CCSER1: variants seen among roughly 807,000 people sequenced by gnomAD.
The protein encoded by CCSER1 is serine-rich coiled-coil domain-containing protein 1.
A neutral mutation model predicts 82.0 loss-of-function variants in CCSER1; 41 were observed. That is an observed-to-expected ratio of 0.50 (90% CI 0.39 to 0.65). The LOEUF is 0.65. CCSER1 is among the 30% of genes least tolerant of loss of function. The pLI, the probability that CCSER1 is intolerant of heterozygous loss-of-function variation, is 0.00. For missense variants in CCSER1, 1,119 were observed against 1,064.2 expected, an observed-to-expected ratio of 1.05 and a Z score of -0.72; for synonymous variants, 414 against 383.9, an observed-to-expected ratio of 1.08 and a Z score of -0.92.
intron 10 of CCSER1, among the ~76,000 whole-genome samples, chr4:91,192,252 T>A (rs1735063803): frequency 6.6e-6 from 1 of 152,172 alleles, no homozygotes. Flanking sequence ...TGATTCTTCC[T>A]TTGGCTATTT....
chr4:90,278,466 T>C (rs756583336), intron 1 of CCSER1, among the ~76,000 whole-genome samples: 6 of 152,124 alleles, frequency 3.9e-5, no homozygotes, highest in East Asian at 1.9e-4. Context: ...GAAAATGTGG[T>C]CCATATACAC....
intron 5 of CCSER1, among the ~76,000 whole-genome samples, chr4:90,622,906 C>G (rs533136810): frequency 6.6e-6 from 1 of 152,174 alleles, no homozygotes; most frequent in African/African-American, 2.4e-5. Context: ...GTCCCTATTT[C>G]TCCACATCCT....
intron 1 of CCSER1, among the ~76,000 whole-genome samples, chr4:90,301,588 C>T (rs947709272): frequency 6.6e-6 from 1 of 151,978 alleles, no homozygotes; most frequent in African/African-American, 2.4e-5. Flanking sequence ...AAACACTTCT[C>T]TTATGTAACA....
chr4:91,353,318 G>GT (rs1748604382), intron 10 of CCSER1, among the ~76,000 whole-genome samples: 1 of 152,174 alleles, frequency 6.6e-6, no homozygotes, highest in Admixed American at 6.5e-5. Context: ...CAAGGGGTCC[G>GT]TGACGGGCTG....
intron 9 of CCSER1, among the ~76,000 whole-genome samples, chr4:90,945,619 A>G (rs1408241685): frequency 1.3e-5 from 2 of 152,140 alleles, no homozygotes; most frequent in African/African-American, 4.8e-5. Context: ...CTTTTCCACA[A>G]ACAGACTGTG....
intron 10 of CCSER1, among the ~76,000 whole-genome samples, chr4:91,384,103 A>C (rs1377840315): frequency 6.6e-6 from 1 of 152,052 alleles, no homozygotes; most frequent in Non-Finnish European, 1.5e-5. Context: ...ACTACTATAT[A>C]ATGGATGTTT....
chr4:91,368,689 C>A (rs765192945), intron 10 of CCSER1, among the ~76,000 whole-genome samples: 25 of 152,200 alleles, frequency 1.6e-4, no homozygotes, highest in South Asian at 1.0e-3. Context: ...ATAATTAACA[C>A]ATTTTAGTTT....
intron 7 of CCSER1, among the ~76,000 whole-genome samples, chr4:90,810,644 T>TCAACAACAACAA (rs34797230): frequency 7.8e-6 from 1 of 128,470 alleles, no homozygotes; most frequent in East Asian, 2.6e-4. Context: ...AGACTCCCTC[T>TCAACAACAACAA]CAACAACAAC....
chr4:90,899,326 C>A (rs959461024), intron 8 of CCSER1, among the ~76,000 whole-genome samples: 2 of 151,888 alleles, frequency 1.3e-5, no homozygotes, highest in African/African-American at 2.4e-5. Flanking sequence ...TTATTTAATT[C>A]ATTGATCAGG....
At chr4:91,296,993 A>G (rs975582073) in intron 10 of CCSER1, among the ~76,000 whole-genome samples, 5 of 151,850 alleles carry the variant, frequency 3.3e-5, no homozygotes, top group Admixed American at 1.3e-4. Flanking sequence ...AAAACAGGAC[A>G]AGATATTGCC....
At chr4:90,194,341 A>G (rs934203512) in intron 1 of CCSER1, among the ~76,000 whole-genome samples, 1 of 152,062 alleles carries the variant, frequency 6.6e-6, no homozygotes, top group Non-Finnish European at 1.5e-5. Flanking sequence ...TATAGTATCT[A>G]TCATACAAAG....
chr4:90,813,011 C>A (rs1211883172), intron 7 of CCSER1, among the ~76,000 whole-genome samples: 1 of 152,156 alleles, frequency 6.6e-6, no homozygotes, highest in Non-Finnish European at 1.5e-5. Context: ...ATCTCACATT[C>A]TTGTCACATT....
chr4:90,640,139 AT>A (rs1726220317), intron 6 of CCSER1, among the ~76,000 whole-genome samples: 1 of 152,168 alleles, frequency 6.6e-6, no homozygotes, highest in African/African-American at 2.4e-5. Context: ...TTTGAAGTTA[AT>A]TCCAAAAGCA....
At chr4:91,177,558 G>A (rs1037896729) in intron 10 of CCSER1, among the ~76,000 whole-genome samples, 1 of 152,126 alleles carries the variant, frequency 6.6e-6, no homozygotes, top group African/African-American at 2.4e-5. Context: ...GAGGGTGTAT[G>A]TGTCCAGGAA....
At chr4:90,398,190 C>G (rs1374277414) in intron 3 of CCSER1, among the ~76,000 whole-genome samples, 2 of 152,182 alleles carry the variant, frequency 1.3e-5, no homozygotes, top group South Asian at 2.1e-4. Context: ...GTGTCCTAAT[C>G]TATTCTTATA....
chr4:90,492,072 G>T (rs1426214882), intron 5 of CCSER1, among the ~76,000 whole-genome samples: 1 of 152,102 alleles, frequency 6.6e-6, no homozygotes, highest in Non-Finnish European at 1.5e-5. Flanking sequence ...CTAGTGATTG[G>T]AATAGTTTCA....
chr4:91,425,984 A>G (rs1753944856), intron 10 of CCSER1, among the ~76,000 whole-genome samples: 1 of 152,076 alleles, frequency 6.6e-6, no homozygotes, highest in Non-Finnish European at 1.5e-5. Flanking sequence ...GGTTTGCTGC[A>G]CCCATCAACC....
chr4:90,932,974 GAAAGAAAGA>G lies in CCSER1; in HGVS notation c.2172+9528_2172+9536del, dbSNP rs1730198176. ...AGAAAGAAAGAAAGAAAGAAAGAAA[GAAAGAAAGA>G]GAAAGAAAGAAAGAAAGAAAGAAAG... On this transcript the variant is annotated intron_variant, in intron 9 of 10. Coordinates refer to ENST00000509176, the MANE Select transcript of CCSER1 (RefSeq NM_001145065.2). 9.2e-4 allele frequency among the ~76,000 whole-genome samples: 28 copies of G among 30,476 alleles called. 6 individuals are homozygous for G. Among genetic ancestry groups the G allele is most frequent in the Non-Finnish European group, 1.3e-3 (23 of 17,532 alleles). The allele number at this position is 30,476 out of a possible 152,430, so 20.0% of individuals were successfully genotyped here.
chr4:90,616,362 T>C (rs115313969), intron 5 of CCSER1, among the ~76,000 whole-genome samples: 2,073 of 152,172 alleles, frequency 0.014, 56 homozygotes, highest in African/African-American at 0.048. Flanking sequence ...TACACTCTTC[T>C]AACAAACTGT....
Sources: allele counts gnomAD v4.1 joint callset (sites outside exome capture counted in the v4.1 genomes callset), GRCh38; gene constraint gnomAD v4.1.1; transcripts MANE v1.5; gene names NCBI Gene and HGNC (gene_info 2026-07-23, HGNC 2026-07-21).